The following ZNF804A variants were observed in gnomAD, a reference collection of about 807,000 sequenced individuals.
The protein encoded by ZNF804A is zinc finger protein 804A.
ZNF804A carries 2 observed loss-of-function variants against 16.5 expected under a neutral mutation model. The ratio of observed to expected loss-of-function variants is 0.12; its 90% CI spans 0.05 to 0.38. The LOEUF (loss-of-function observed/expected upper bound fraction) is 0.38, where lower values mean the gene tolerates loss of function less well. Among genes scored for constraint, ZNF804A ranks in the 10% least tolerant of loss-of-function variants. The pLI is 0.99. For synonymous variants in ZNF804A, 534 were observed against 489.6 expected, an observed-to-expected ratio of 1.09 and a Z score of -1.20; for missense variants, 1,473 against 1,390.7, an observed-to-expected ratio of 1.06 and a Z score of -0.94.
chr2:184,935,824 C>T lies in ZNF804A; in HGVS notation c.428C>T (p.Thr143Ile), dbSNP rs1334143628. The T allele has an allele frequency of 1.2e-6, 2 of 1,612,574 alleles. No homozygotes were observed. Among genetic ancestry groups the T allele is most frequent in the Non-Finnish European group, 1.7e-6 (2 of 1,179,296 alleles). Residue 143 changes from threonine (T) to isoleucine (I), a missense_variant, in exon 4 of 4, where the codon ACT (threonine) becomes ATT (isoleucine). Physicochemically the swap from Thr to Ile is moderately conservative, Grantham distance 89. Coordinates refer to ENST00000302277, the MANE Select transcript of ZNF804A (RefSeq NM_194250.2). ...SGPMFKSTTV[T>I]VRENCNEISQ... Reference sequence around the variant, plus strand: ...CCCATGTTCAAATCAACAACTGTTACTGTGAGAGAAAACTGTAATGAAATT... The same window carrying T: ...CCCATGTTCAAATCAACAACTGTTATTGTGAGAGAAAACTGTAATGAAATT...
intron 1 of ZNF804A, among the ~76,000 whole-genome samples, chr2:184,661,235 C>G (rs1321466700): frequency 6.6e-6 from 1 of 152,076 alleles, no homozygotes; most frequent in Admixed American, 6.5e-5. Flanking sequence ...TCTTGCCACC[C>G]CACAGCTCAG....
At chr2:184,685,102 G>A (rs962685297) in intron 1 of ZNF804A, among the ~76,000 whole-genome samples, 12 of 152,120 alleles carry the variant, frequency 7.9e-5, no homozygotes, top group East Asian at 3.9e-4. Context: ...GTGAGTGAGC[G>A]TGGGGTCTAG....
At chr2:184,714,502 T>C (rs1693183846) in intron 1 of ZNF804A, among the ~76,000 whole-genome samples, 1 of 152,124 alleles carries the variant, frequency 6.6e-6, no homozygotes, top group Non-Finnish European at 1.5e-5. Context: ...TTTTCAAGGA[T>C]GACTTCTACA....
intron 1 of ZNF804A, among the ~76,000 whole-genome samples, chr2:184,773,152 T>G (rs1168871854): frequency 6.6e-6 from 1 of 151,516 alleles, no homozygotes; most frequent in African/African-American, 2.4e-5. Flanking sequence ...ACTATTTTTC[T>G]CTATTTTATA....
intron 1 of ZNF804A, among the ~76,000 whole-genome samples, chr2:184,805,706 C>G (rs530086574): frequency 3.5e-4 from 53 of 152,052 alleles, no homozygotes; most frequent in Admixed American, 9.2e-4. Context: ...AACTTAAAAA[C>G]TAGAAGCCAT....
At chr2:184,900,037 T>G (rs955283450) in intron 2 of ZNF804A, among the ~76,000 whole-genome samples, 7 of 152,092 alleles carry the variant, frequency 4.6e-5, no homozygotes, top group African/African-American at 1.7e-4. Flanking sequence ...ATAATAAAAA[T>G]TATAATTCAG....
intron 1 of ZNF804A, among the ~76,000 whole-genome samples, chr2:184,712,822 T>G (rs1693150614): frequency 6.6e-6 from 1 of 151,682 alleles, no homozygotes; most frequent in Non-Finnish European, 1.5e-5. Flanking sequence ...ATTTTTCAGT[T>G]TAGTTATACT....
At chr2:184,836,662 A>C (rs1206011152) in intron 1 of ZNF804A, among the ~76,000 whole-genome samples, 1 of 151,032 alleles carries the variant, frequency 6.6e-6, no homozygotes, top group African/African-American at 2.4e-5. Flanking sequence ...TTATATAGAG[A>C]TATAGATGCT....
intron 1 of ZNF804A, among the ~76,000 whole-genome samples, chr2:184,659,737 A>G (rs1692137260): frequency 6.6e-6 from 1 of 152,192 alleles, no homozygotes; most frequent in South Asian, 2.1e-4. Context: ...CTGTATATAC[A>G]TAACTACAAC....
chr2:184,612,348 A>T (rs1297448034), intron 1 of ZNF804A, among the ~76,000 whole-genome samples: 2 of 152,178 alleles, frequency 1.3e-5, no homozygotes, highest in African/African-American at 2.4e-5. Flanking sequence ...TTTCTAGGGA[A>T]ATAGTACAGA....
chr2:184,693,618 T>G (rs1692768615), intron 1 of ZNF804A, among the ~76,000 whole-genome samples: 1 of 152,336 alleles, frequency 6.6e-6, no homozygotes, highest in South Asian at 2.1e-4. Flanking sequence ...TCCAGTCAAT[T>G]TATGCCTCAG....
chr2:184,742,087 T>A (rs1693716986), intron 1 of ZNF804A, among the ~76,000 whole-genome samples: 1 of 152,090 alleles, frequency 6.6e-6, no homozygotes, highest in Admixed American at 6.6e-5. Context: ...TCTTATAAAG[T>A]AGCCCTGTTG....
intron 1 of ZNF804A, among the ~76,000 whole-genome samples, chr2:184,714,282 C>G (rs533812951): frequency 6.6e-6 from 1 of 152,142 alleles, no homozygotes; most frequent in Admixed American, 6.6e-5. Context: ...CCCAAATCAG[C>G]AGAAACAAAT....
At chr2:184,684,367 C>T (rs1692595090) in intron 1 of ZNF804A, among the ~76,000 whole-genome samples, 3 of 152,010 alleles carry the variant, frequency 2.0e-5, no homozygotes, top group African/African-American at 7.2e-5. Context: ...TTAATAACTA[C>T]CCAGTTAGTA....
intron 1 of ZNF804A, among the ~76,000 whole-genome samples, chr2:184,681,984 T>C (rs1692548485): frequency 2.0e-5 from 3 of 152,170 alleles, no homozygotes; most frequent in Admixed American, 1.3e-4. Flanking sequence ...CCCAGACACA[T>C]GTGTGCATGC....
intron 1 of ZNF804A, among the ~76,000 whole-genome samples, chr2:184,731,277 A>G (rs1475545174): frequency 6.8e-6 from 1 of 147,042 alleles, no homozygotes; most frequent in Non-Finnish European, 1.5e-5. Context: ...AAAAAAAAAA[A>G]AAAGGAAAAA....
chr2:184,754,414 C>A (rs1693926535), intron 1 of ZNF804A, among the ~76,000 whole-genome samples: 1 of 151,808 alleles, frequency 6.6e-6, no homozygotes, highest in African/African-American at 2.4e-5. Flanking sequence ...ACCGTTTCCC[C>A]ATTTTTCCTC....
At chr2:184,627,536 C>T (rs1691525298) in intron 1 of ZNF804A, among the ~76,000 whole-genome samples, 1 of 152,126 alleles carries the variant, frequency 6.6e-6, no homozygotes, top group Non-Finnish European at 1.5e-5. Flanking sequence ...AAATGAATTG[C>T]ATCTACAATG....
intron 1 of ZNF804A, among the ~76,000 whole-genome samples, chr2:184,772,630 A>G (rs1315233361): frequency 6.6e-6 from 1 of 151,774 alleles, no homozygotes; most frequent in Non-Finnish European, 1.5e-5. Context: ...TCTTTTGAGT[A>G]TGTACCTAGA....
Sources: allele counts gnomAD v4.1 joint callset (sites outside exome capture counted in the v4.1 genomes callset), GRCh38; gene constraint gnomAD v4.1.1; transcripts MANE v1.5; gene names NCBI Gene and HGNC (gene_info 2026-07-23, HGNC 2026-07-21).